Variants in TBL1Y observed in about 807,000 individuals in gnomAD.
TBL1Y encodes the protein transducin beta like 1 Y-linked.
A neutral mutation model predicts 12.0 loss-of-function variants in TBL1Y; 15 were observed. The observed-to-expected ratio is 1.25, with a 90% CI of 0.83 to 1.92. The LOEUF (loss-of-function observed/expected upper bound fraction) is 1.92. Among genes scored for constraint, TBL1Y ranks in the 40% most tolerant of loss-of-function variants. The pLI, the probability that TBL1Y is intolerant of heterozygous loss-of-function variation, is 0.00. For synonymous variants in TBL1Y, 53 were observed against 42.6 expected, an observed-to-expected ratio of 1.24 and a Z score of -0.95; for missense variants, 148 against 116.7, an observed-to-expected ratio of 1.27 and a Z score of -1.24.
At chrY:7,065,230 G>C in intron 8 of TBL1Y, among the ~76,000 whole-genome samples, 2 of 32,994 alleles carry the variant, frequency 6.1e-5, no homozygotes. Context: ...AATCATGGGG[G>C]GTAGTTTCCC....
chrY:7,016,871 G>A, intron 4 of TBL1Y, among the ~76,000 whole-genome samples: 2 of 33,866 alleles, frequency 5.9e-5, no homozygotes, highest in South Asian at 1.3e-3. Flanking sequence ...GAAGGATAAA[G>A]CAGAACGATG....
chrY:7,034,956 A>G (rs985479435), intron 6 of TBL1Y, among the ~76,000 whole-genome samples: 20 of 33,692 alleles, frequency 5.9e-4, no homozygotes, highest in Non-Finnish European at 3.7e-4. Context: ...AAAAGCCAAG[A>G]TAGACAAATA....
chrY:7,074,765 C>G, intron 13 of TBL1Y, 145 bp downstream of exon 13: 4 of 158,002 alleles, frequency 2.5e-5, no homozygotes, highest in Non-Finnish European at 4.5e-5. Context: ...GACTCCTAGA[C>G]GTGGTCTAGG....
At chrY:6,993,138 G>A in intron 3 of TBL1Y, among the ~76,000 whole-genome samples, 1 of 32,748 alleles carries the variant, frequency 3.1e-5, no homozygotes, top group African/African-American at 1.2e-4. Flanking sequence ...GTTATGAAAC[G>A]TAAAATGAAT....
At chrY:7,082,484 C>T (rs1342146412) in intron 14 of TBL1Y, among the ~76,000 whole-genome samples, 9 of 33,622 alleles carry the variant, frequency 2.7e-4, no homozygotes, top group Non-Finnish European at 5.1e-4. Flanking sequence ...GTCCAAAACA[C>T]CCTGTGCCTC....
intron 2 of TBL1Y, among the ~76,000 whole-genome samples, chrY:6,970,703 C>T: frequency 2.9e-5 from 1 of 34,218 alleles, no homozygotes; most frequent in Non-Finnish European, 7.3e-5. Flanking sequence ...TTCCAAAAAA[C>T]ATCCCACTTG....
intron 7 of TBL1Y, among the ~76,000 whole-genome samples, 192 bp from the exon 8 acceptor site, chrY:7,063,705 T>C: frequency 3.0e-5 from 1 of 33,243 alleles, no homozygotes; most frequent in African/African-American, 1.2e-4. Flanking sequence ...TACTGACATA[T>C]TGATTCTTTG....
At chrY:6,926,025 G>T (rs2011823165) in intron 2 of TBL1Y, among the ~76,000 whole-genome samples, 2 of 33,809 alleles carry the variant, frequency 5.9e-5, no homozygotes, top group Non-Finnish European at 1.5e-4. Context: ...GACAGGGACA[G>T]AAATGACTTG....
intron 13 of TBL1Y, among the ~76,000 whole-genome samples, chrY:7,080,051 GTTTTTTTTTTTTTTTTTT>G (rs1466829965): frequency 3.0e-3 from 12 of 3,949 alleles, no homozygotes; most frequent in African/African-American, 0.019. Flanking sequence ...GGGACTGTTT[GTTTTTTTTTTTTTTTTTT>G]TTTTTTTTTT....
intron 2 of TBL1Y, among the ~76,000 whole-genome samples, chrY:6,954,706 G>A (rs2012058963): frequency 6.0e-5 from 2 of 33,524 alleles, no homozygotes; most frequent in Non-Finnish European, 1.5e-4. Context: ...AGATGAACCC[G>A]GTACCTCAGT....
chrY:6,941,366 C>T, intron 2 of TBL1Y, among the ~76,000 whole-genome samples: 1 of 32,770 alleles, frequency 3.1e-5, no homozygotes, highest in African/African-American at 1.2e-4. Context: ...ACTAAAACTG[C>T]AAAAAGTAGC....
At chrY:7,010,546 C>T (rs2012512876) in intron 4 of TBL1Y, among the ~76,000 whole-genome samples, 2 of 33,770 alleles carry the variant, frequency 5.9e-5, no homozygotes, top group African/African-American at 2.3e-4. Context: ...ATTTAATGGA[C>T]GTAATAAACA....
chrY:6,958,214 T>C, intron 2 of TBL1Y, among the ~76,000 whole-genome samples: 1 of 33,702 alleles, frequency 3.0e-5, no homozygotes, highest in Admixed American at 2.7e-4. Context: ...TTGTAGGGTG[T>C]TGTGCCATAC....
At chrY:6,957,992 T>C in intron 2 of TBL1Y, among the ~76,000 whole-genome samples, 1 of 33,582 alleles carries the variant, frequency 3.0e-5, no homozygotes, top group Non-Finnish European at 7.3e-5. Context: ...TGATTAAAAC[T>C]CAATGTACTA....
At chrY:7,075,295 T>G in intron 13 of TBL1Y, among the ~76,000 whole-genome samples, 5 of 33,769 alleles carry the variant, frequency 1.5e-4, no homozygotes, top group African/African-American at 5.8e-4. Context: ...AGGGACTCAA[T>G]GAGCTTCCTC....
intron 17 of TBL1Y, among the ~76,000 whole-genome samples, chrY:7,088,176 A>G (rs2013152222): frequency 3.1e-5 from 1 of 32,589 alleles, no homozygotes; most frequent in Non-Finnish European, 7.5e-5. Context: ...AGGATTGTAT[A>G]GGGCAGTTTG....
In TBL1Y at chrY:6,949,298, T is replaced by C. The variant is rs747131097; in HGVS notation, c.-265-28915T>C. On this transcript the variant is annotated intron_variant, in intron 2 of 18. Coordinates refer to ENST00000383032, the MANE Select transcript of TBL1Y (RefSeq NM_033284.2). ...GGATCCACTGCAGGAACAGATATCA[T>C]TGGTTCCATTGCTAAAATCCTAATC... 2.4e-4 allele frequency among the ~76,000 whole-genome samples: 8 copies of C among 33,710 alleles called. No homozygotes were observed. In the South Asian group the frequency reaches 5.3e-3, roughly 22 times the overall value. 90.4% of individuals were successfully genotyped at this position (33,710 alleles called of 37,273 possible).
intron 8 of TBL1Y, among the ~76,000 whole-genome samples, chrY:7,064,825 G>C (rs1603048157): frequency 3.0e-5 from 1 of 33,678 alleles, no homozygotes; most frequent in Non-Finnish European, 7.3e-5. Flanking sequence ...AATTCTTAAA[G>C]TGCCTCTCTG....
At chrY:7,006,956 T>C in intron 4 of TBL1Y, among the ~76,000 whole-genome samples, 1 of 33,460 alleles carries the variant, frequency 3.0e-5, no homozygotes, top group Non-Finnish European at 7.4e-5. Context: ...AAGAGAAAGG[T>C]GGGATTTGGG....
Sources: gnomAD v4.1 joint callset for allele counts (sites outside exome capture counted in the v4.1 genomes callset) on GRCh38, gnomAD v4.1.1 for gene constraint, MANE v1.5 for transcripts, NCBI Gene and HGNC (gene_info 2026-07-23, HGNC 2026-07-21) for gene names.